Variants in ADAMTSL1 observed in about 807,000 individuals in gnomAD.
ADAMTSL1 encodes ADAMTS like 1, also known as ADAMTS-like protein 1.
ADAMTSL1 carries 126 observed loss-of-function variants against 201.8 expected under a neutral mutation model. The observed-to-expected ratio is 0.62, with a 90% CI of 0.54 to 0.72. The LOEUF (loss-of-function observed/expected upper bound fraction) is 0.72, where lower values mean the gene tolerates loss of function less well. Ranked by LOEUF, ADAMTSL1 falls within the 30% of genes least tolerant of loss-of-function variation. ADAMTSL1 has a pLI of 0.00. For missense variants in ADAMTSL1, 2,679 were observed against 2,277.8 expected, an observed-to-expected ratio of 1.18 and a Z score of -3.59; for synonymous variants, 1,121 against 903.4, an observed-to-expected ratio of 1.24 and a Z score of -4.32.
chr9:18,852,272 G>A (rs938871572), intron 23 of ADAMTSL1, among the ~76,000 whole-genome samples: 4 of 152,176 alleles, frequency 2.6e-5, no homozygotes, highest in Non-Finnish European at 5.9e-5. Flanking sequence ...TAAAATGGAG[G>A]CAATAACTGC....
chr9:18,115,863 T>C (rs962466856), intron 1 of ADAMTSL1, among the ~76,000 whole-genome samples: 1 of 152,188 alleles, frequency 6.6e-6, no homozygotes, highest in Non-Finnish European at 1.5e-5. Context: ...TTAGCTACCA[T>C]GCATGTTTCC....
At chr9:18,491,935 TCTGG>T (rs1179167508) in intron 1 of ADAMTSL1, among the ~76,000 whole-genome samples, 6 of 152,302 alleles carry the variant, frequency 3.9e-5, no homozygotes, top group African/African-American at 1.4e-4. Flanking sequence ...TACAATCTAC[TCTGG>T]ACAAGATTTT....
chr9:18,822,506 C>T (rs1198742510), intron 21 of ADAMTSL1, among the ~76,000 whole-genome samples: 1 of 152,152 alleles, frequency 6.6e-6, no homozygotes, highest in Non-Finnish European at 1.5e-5. Flanking sequence ...AAGATGGGGA[C>T]TGTTGGCATT....
At chr9:17,982,560 C>G (rs967059017) in intron 1 of ADAMTSL1, among the ~76,000 whole-genome samples, 1 of 151,878 alleles carries the variant, frequency 6.6e-6, no homozygotes, top group Non-Finnish European at 1.5e-5. Context: ...TGCAGTAAGC[C>G]GAGATCGTGC....
intron 1 of ADAMTSL1, among the ~76,000 whole-genome samples, chr9:18,499,576 C>G (rs939036883): frequency 6.6e-6 from 1 of 152,216 alleles, no homozygotes; most frequent in African/African-American, 2.4e-5. Flanking sequence ...AAATGGTTCT[C>G]TCATCACTGG....
At chr9:18,657,962 G>C (rs993339998) in intron 8 of ADAMTSL1, among the ~76,000 whole-genome samples, 1 of 145,128 alleles carries the variant, frequency 6.9e-6, no homozygotes, top group Admixed American at 7.2e-5. Flanking sequence ...AGTCCCATTA[G>C]AGGAAACAGT....
At chr9:18,478,710 CG>C (rs1433880768) in intron 1 of ADAMTSL1, among the ~76,000 whole-genome samples, 3 of 152,162 alleles carry the variant, frequency 2.0e-5, no homozygotes, top group African/African-American at 7.2e-5. Context: ...GTGACCTCTT[CG>C]TAGCATAAGG....
intron 2 of ADAMTSL1, among the ~76,000 whole-genome samples, chr9:18,307,521 CA>C (rs1450254297): frequency 1.3e-5 from 2 of 150,536 alleles, no homozygotes; most frequent in Non-Finnish European, 3.0e-5. Context: ...AAGGGAAAAC[CA>C]AAAAAAAGCA....
chr9:17,999,710 C>T (rs1041516332), intron 1 of ADAMTSL1, among the ~76,000 whole-genome samples: 8 of 150,630 alleles, frequency 5.3e-5, no homozygotes, highest in Admixed American at 1.3e-4. Flanking sequence ...CCCACTAACT[C>T]GTCATCTAGC....
chr9:18,262,192 G>A (rs1044387819), intron 2 of ADAMTSL1, among the ~76,000 whole-genome samples: 20 of 152,110 alleles, frequency 1.3e-4, no homozygotes, highest in Admixed American at 1.2e-3. Context: ...TCAGAGCCTG[G>A]TAAGTAACTA....
At chr9:18,151,488 T>C (rs1251395060) in intron 1 of ADAMTSL1, among the ~76,000 whole-genome samples, 1 of 152,000 alleles carries the variant, frequency 6.6e-6, no homozygotes, top group Non-Finnish European at 1.5e-5. Context: ...ATGTTCAATA[T>C]ACTGTATTTG....
At chr9:18,305,563 C>T (rs1463780754) in intron 2 of ADAMTSL1, among the ~76,000 whole-genome samples, 2 of 152,174 alleles carry the variant, frequency 1.3e-5, no homozygotes, top group Admixed American at 6.5e-5. Flanking sequence ...AGGCGGTTTT[C>T]CCCTCACAGT....
chr9:17,924,677 T>A (rs1320758465), intron 1 of ADAMTSL1, among the ~76,000 whole-genome samples: 1 of 149,226 alleles, frequency 6.7e-6, no homozygotes, highest in South Asian at 2.2e-4. Context: ...CTGGATCCCT[T>A]CCTTACACCT....
At chr9:18,444,700 A>G (rs1013386068) in intron 2 of ADAMTSL1, among the ~76,000 whole-genome samples, 9 of 152,166 alleles carry the variant, frequency 5.9e-5, no homozygotes, top group Admixed American at 5.9e-4. Flanking sequence ...AGATGCAGAT[A>G]ATAATAGTAG....
intron 1 of ADAMTSL1, among the ~76,000 whole-genome samples, chr9:18,115,158 T>G (rs969966125): frequency 2.0e-5 from 3 of 152,206 alleles, no homozygotes; most frequent in Non-Finnish European, 4.4e-5. Context: ...CAAAACATCA[T>G]AGACAATCCT....
At chr9:18,170,189 T>A (rs1286451787) in intron 2 of ADAMTSL1, among the ~76,000 whole-genome samples, 1 of 152,052 alleles carries the variant, frequency 6.6e-6, no homozygotes, top group Non-Finnish European at 1.5e-5. Flanking sequence ...ACCCTTTAAG[T>A]TTCACACATA....
intron 1 of ADAMTSL1, among the ~76,000 whole-genome samples, chr9:17,966,491 G>T (rs1320102100): frequency 6.6e-6 from 1 of 152,024 alleles, no homozygotes; most frequent in Non-Finnish European, 1.5e-5. Flanking sequence ...CCACCATTCT[G>T]CCCTTTATAG....
chr9:18,810,845 A>T (rs182723685), intron 20 of ADAMTSL1, among the ~76,000 whole-genome samples: 68 of 152,266 alleles, frequency 4.5e-4, no homozygotes, highest in Non-Finnish European at 7.2e-4. Context: ...AAGGCCCTGT[A>T]CATTATATAT....
intron 5 of ADAMTSL1, among the ~76,000 whole-genome samples, chr9:18,623,009 C>CAAGT (rs1826129335): frequency 6.6e-6 from 1 of 152,174 alleles, no homozygotes; most frequent in Non-Finnish European, 1.5e-5. Context: ...GATTCTCTTG[C>CAAGT]CTCAACCTTG....
Sources: allele counts gnomAD v4.1 joint callset (sites outside exome capture counted in the v4.1 genomes callset), GRCh38; gene constraint gnomAD v4.1.1; transcripts MANE v1.5; gene names NCBI Gene and HGNC (gene_info 2026-07-23, HGNC 2026-07-21).